DNAJC21: variants seen among roughly 807,000 people sequenced by gnomAD.
The protein encoded by DNAJC21 is dnaJ homolog subfamily C member 21.
Under a neutral mutation model 72.4 loss-of-function variants are expected in DNAJC21, and 63 were observed. That is an observed-to-expected ratio of 0.87 (90% CI 0.71 to 1.07). The LOEUF (loss-of-function observed/expected upper bound fraction) is 1.07, where lower values mean the gene tolerates loss of function less well. Ranked by LOEUF, DNAJC21 falls within the 50% of genes least tolerant of loss-of-function variation. The pLI is 0.00. For synonymous variants in DNAJC21, 203 were observed against 216.7 expected (o/e 0.94, Z 0.56); for missense variants, 634 against 644.8 (o/e 0.98, Z 0.18).
Position 34,936,218 on chromosome 5 carries a change from G to A in DNAJC21, c.390G>A (p.Glu130=), listed in dbSNP as rs199557304. 2 of 1,614,050 alleles carry A rather than the reference G, an allele frequency of 1.2e-6. No individual in the cohort carries two copies. Among genetic ancestry groups the A allele is most frequent in the Non-Finnish European group, 1.7e-6 (2 of 1,179,990 alleles). The change falls in exon 4 of 12, where the codon GAG becomes GAA. Residue 130 remains glutamate (E), a synonymous_variant. Transcript: ENST00000648817. ...AACTAGAATCTGTGTTAGAGGAAGA[G>A]GTTGATGATTTCCCAACTTTTGGAG... ...KEELESVLEE[E]VDDFPTFGDS...
chr5:34,951,481 C>T (rs1360244182), intron 10 of DNAJC21: 2 of 985,422 alleles, frequency 2.0e-6, no homozygotes, highest in Non-Finnish European at 2.4e-6. Flanking sequence ...GCTCTGGGCC[C>T]CTGAACCCCT....
intron 1 of DNAJC21, among the ~76,000 whole-genome samples, chr5:34,932,247 C>T (rs1364105206): frequency 6.6e-6 from 1 of 151,986 alleles, no homozygotes; most frequent in Non-Finnish European, 1.5e-5. Context: ...ATGGTGAAAC[C>T]CTGTCTCTAC....
chr5:34,945,433 A>G (rs1244512304), intron 8 of DNAJC21, among the ~76,000 whole-genome samples: 1 of 152,108 alleles, frequency 6.6e-6, no homozygotes, highest in Non-Finnish European at 1.5e-5. Flanking sequence ...TTGTCTCCAT[A>G]TTTTCTAGTT....
At chr5:34,936,055 A>G in intron 3 of DNAJC21, 89 bp from the exon 4 acceptor site, 7 of 1,531,592 alleles carry the variant, frequency 4.6e-6, no homozygotes, top group Non-Finnish European at 6.1e-6. Context: ...ATTCTTCAAC[A>G]TTAAAATTTT....
At chr5:34,935,630 T>C in intron 2 of DNAJC21, 80 bp from the exon 3 acceptor site, 3 of 1,578,126 alleles carry the variant, frequency 1.9e-6, no homozygotes, top group Non-Finnish European at 2.6e-6. Context: ...TGTACAATAA[T>C]AATATTCAAA....
chr5:34,957,070 T>C lies in DNAJC21; in HGVS notation c.*2356T>C, dbSNP rs1313139994. ...GGATTAAATGGGCAATTAAGTTTTA[T>C]AGGAATTTGCTTCCTAAGTCTACTT... On this transcript the variant is annotated 3_prime_UTR_variant, in exon 12 of 12. Transcript: ENST00000648817. 1 of 152,232 alleles carries C rather than the reference T, an allele frequency of 6.6e-6. No individual in the cohort carries two copies. The highest frequency in any genetic ancestry group is 1.5e-5 in the Non-Finnish European group (1 of 68,048). The allele number at this position is 152,232 out of a possible 1,614,324, so 9.4% of individuals were successfully genotyped here. A position where few individuals can be genotyped will look rare whatever the true frequency, so the allele number is the denominator to read the frequency against.
At chr5:34,940,605 A>T (rs570130336) in intron 6 of DNAJC21, among the ~76,000 whole-genome samples, 2 of 152,258 alleles carry the variant, frequency 1.3e-5, no homozygotes, top group African/African-American at 4.8e-5. Context: ...AAAGCTTATT[A>T]AAAAAAAGTT....
intron 6 of DNAJC21, among the ~76,000 whole-genome samples, chr5:34,939,406 C>T (rs1226008765): frequency 1.3e-5 from 2 of 152,122 alleles, no homozygotes; most frequent in Non-Finnish European, 2.9e-5. Context: ...GCTGGGACTA[C>T]AGGCGCCCGC....
rs559573617 is a variant in DNAJC21 at position 34,950,741 on chromosome 5, C to T, written c.1358+399C>T. ...CACGACAGCAGCCTGTGTTGGGCCC[C>T]ACCATGTTGTGAGGACACATGGCAG... On this transcript the variant is annotated intron_variant, in intron 10 of 11. Transcript: ENST00000648817. The T allele has an allele frequency of 2.3e-4, 223 of 990,574 alleles. 5 individuals are homozygous for T. The South Asian group carries it at 8.8e-3, about 39-fold the overall frequency. The allele number at this position is 990,574 out of a possible 1,614,324, so 61.4% of individuals were successfully genotyped here. A position where few individuals can be genotyped will look rare whatever the true frequency, so the allele number is the denominator to read the frequency against.
chr5:34,951,677 A>G (rs1456889970), intron 10 of DNAJC21: 1 of 769,112 alleles, frequency 1.3e-6, no homozygotes, highest in Admixed American at 6.3e-5. Flanking sequence ...GCAGGCATGC[A>G]CTGCCACGCC....
intron 10 of DNAJC21, 163 bp from the exon 11 acceptor site, chr5:34,953,763 G>A (rs775117228): frequency 4.0e-5 from 17 of 425,614 alleles, no homozygotes; most frequent in Non-Finnish European, 7.0e-5. Context: ...GCTTTTTAAA[G>A]ATGTTCATTT....
intron 7 of DNAJC21, among the ~76,000 whole-genome samples, chr5:34,943,034 C>T (rs927918764): frequency 1.3e-5 from 2 of 151,980 alleles, no homozygotes; most frequent in African/African-American, 4.8e-5. Context: ...TGCCATTGCA[C>T]TCCAGCCTGG....
At position 34,944,985 on chromosome 5, in the gene DNAJC21, G is replaced by A; in HGVS notation, c.1102G>A (p.Asp368Asn). The A allele has an allele frequency of 1.2e-6, 2 of 1,613,892 alleles. No homozygotes were observed. The highest frequency in any genetic ancestry group is 1.7e-6 in the Non-Finnish European group (2 of 1,179,956). The change falls in exon 8 of 12, where the codon GAC (aspartate) becomes AAC (asparagine). Residue 368 changes from aspartate to asparagine, a missense_variant. Asp to Asn is a conservative substitution (Grantham distance 23). Coordinates refer to ENST00000648817, the MANE Select transcript of DNAJC21 (RefSeq NM_001012339.3). ...TCAAATTGATGAAAATCCATTAGAT[G>A]ACAATTCTGAGGAAGAAATGGAAGA... ...RPQIDENPLD[D>N]NSEEEMEDAP...
At chr5:34,951,277 C>T in intron 10 of DNAJC21, 1 of 985,454 alleles carries the variant, frequency 1.0e-6, no homozygotes, top group Non-Finnish European at 1.2e-6. Flanking sequence ...TTCACTCTGA[C>T]ACCAGGTGTT....
At chr5:34,950,915 C>T in intron 10 of DNAJC21, 1 of 985,576 alleles carries the variant, frequency 1.0e-6, no homozygotes, top group Non-Finnish European at 1.2e-6. Context: ...TCCCCATCCT[C>T]CTCGGTTCCT....
chr5:34,930,017 A>T, intron 1 of DNAJC21, 101 bp downstream of exon 1: 1 of 934,262 alleles, frequency 1.1e-6, no homozygotes, highest in Non-Finnish European at 1.5e-6. Flanking sequence ...GCAGAGAGGG[A>T]CCTGGCGGCC....
In DNAJC21 at chr5:34,949,609, G is replaced by C; in HGVS notation, c.1186-561G>C. Reference sequence around the variant, plus strand: ...TCAGATGGCTTGGGGAAAAAAGTGTGTGTTGGGAGAGAGAAGAGATGGAGA... The same window carrying C: ...TCAGATGGCTTGGGGAAAAAAGTGTCTGTTGGGAGAGAGAAGAGATGGAGA... On this transcript the variant is annotated intron_variant, in intron 9 of 11. Transcript: ENST00000648817. The C allele has an allele frequency of 3.1e-6, 5 of 1,596,888 alleles. No homozygotes were observed. The East Asian group carries it at 1.1e-4, about 36-fold the overall frequency.
chr5:34,939,694 A>G (rs958208061), intron 6 of DNAJC21, among the ~76,000 whole-genome samples: 1 of 152,058 alleles, frequency 6.6e-6, no homozygotes, highest in Non-Finnish European at 1.5e-5. Flanking sequence ...TTGTGACTTT[A>G]TAGAAGGGCT....
At chr5:34,948,972 C>T (rs935561394) in intron 9 of DNAJC21, among the ~76,000 whole-genome samples, 2 of 152,126 alleles carry the variant, frequency 1.3e-5, no homozygotes, top group Non-Finnish European at 2.9e-5. Context: ...AATCACTCTT[C>T]TACATCCACC....
Sources: gnomAD v4.1 joint callset for allele counts (sites outside exome capture counted in the v4.1 genomes callset) on GRCh38, gnomAD v4.1.1 for gene constraint, MANE v1.5 for transcripts, NCBI Gene and HGNC (gene_info 2026-07-23, HGNC 2026-07-21) for gene names.